Variants in TLE1 observed in about 807,000 individuals in gnomAD.
TLE1 encodes the protein transducin-like enhancer protein 1.
TLE1 carries 21 observed loss-of-function variants against 89.8 expected under a neutral mutation model. The ratio of observed to expected loss-of-function variants is 0.23; its 90% confidence interval spans 0.17 to 0.34. The LOEUF is 0.34. TLE1 is among the 10% of genes least tolerant of loss of function. The pLI is 1.00. For synonymous variants in TLE1, 447 were observed against 407.6 expected (o/e 1.10, Z -1.16); for missense variants, 795 against 1,031.2 (o/e 0.77, Z 3.14).
At chr9:81,662,202 T>A (rs1331001578) in intron 4 of TLE1, among the ~76,000 whole-genome samples, 2 of 152,016 alleles carry the variant, frequency 1.3e-5, no homozygotes, top group African/African-American at 4.8e-5. Context: ...TCCTAATAAA[T>A]CAGTTGTCTA....
intron 4 of TLE1, among the ~76,000 whole-genome samples, chr9:81,675,534 C>T (rs1832764686): frequency 1.3e-5 from 2 of 151,966 alleles, no homozygotes; most frequent in Non-Finnish European, 2.9e-5. Flanking sequence ...CTTTTTTAGT[C>T]CAAACCCAAA....
At position 81,612,607 on chromosome 9, in the gene TLE1, C is replaced by A. The variant is rs113529268; in HGVS notation, c.1064-648G>T. Among the ~76,000 whole-genome samples the A allele has an allele frequency of 2.9e-3, 448 of 152,232 alleles. 3 individuals are homozygous for A. Among genetic ancestry groups the A allele is most frequent in the African/African-American group, 9.7e-3 (401 of 41,530 alleles). On this transcript the variant is annotated intron_variant, in intron 12 of 19. Transcript: ENST00000376499. Reference sequence around the variant, plus strand: ...GAAGCCTCCCCTAGCAGAAAACCAGCAAACTATAGTCTGCAAGGAGCACGG... The same window carrying A: ...GAAGCCTCCCCTAGCAGAAAACCAGAAAACTATAGTCTGCAAGGAGCACGG...
intron 4 of TLE1, among the ~76,000 whole-genome samples, chr9:81,682,152 G>A (rs1259416654): frequency 6.6e-6 from 1 of 152,010 alleles, no homozygotes; most frequent in Non-Finnish European, 1.5e-5. Flanking sequence ...TACTCCGGAG[G>A]CTGAGGCAGG....
intron 6 of TLE1, among the ~76,000 whole-genome samples, chr9:81,645,287 C>T (rs896402074): frequency 2.0e-5 from 3 of 150,604 alleles, no homozygotes; most frequent in Non-Finnish European, 4.4e-5. Context: ...TCGCTTAACC[C>T]GGGAGGCAGA....
intron 14 of TLE1, 38 bp from the exon 15 acceptor site, chr9:81,593,312 A>AT: frequency 6.4e-7 from 1 of 1,574,114 alleles, no homozygotes; most frequent in Non-Finnish European, 8.7e-7. Context: ...CAGAAAACAC[A>AT]TTTACAGAGG....
chr9:81,601,231 G>A (rs926354380), intron 14 of TLE1, among the ~76,000 whole-genome samples: 1 of 152,198 alleles, frequency 6.6e-6, no homozygotes, highest in Admixed American at 6.5e-5. Flanking sequence ...TGGGGTGAAA[G>A]GGGGAAGCCC....
rs940694140 is a variant in TLE1, at chr9:81,652,367, G to C, written c.298-79C>G. On this transcript the variant is annotated intron_variant, in intron 5 of 19. Coordinates refer to ENST00000376499, the MANE Select transcript of TLE1 (RefSeq NM_005077.5). ...ATATTCTAACAACAAAAAGTCAAAT[G>C]CTGTGTGCAATGCAGGCTGAAGTAG... The C allele has an allele frequency of 6.4e-6, 8 of 1,253,660 alleles. No individual in the cohort carries two copies. The African/African-American group carries it at 1.2e-4, about 18-fold the overall frequency. 77.7% of individuals were successfully genotyped at this position (1,253,660 alleles called of 1,614,324 possible).
chr9:81,632,472 TCC>T (rs765988528), intron 8 of TLE1, among the ~76,000 whole-genome samples: 96 of 68,480 alleles, frequency 1.4e-3, no homozygotes, highest in South Asian at 5.9e-3. Flanking sequence ...ATGTTCAGTA[TCC>T]CTTTTTTTTT....
chr9:81,683,101 A>G (rs1428453934), intron 4 of TLE1, among the ~76,000 whole-genome samples: 1 of 152,202 alleles, frequency 6.6e-6, no homozygotes, highest in Non-Finnish European at 1.5e-5. Flanking sequence ...TTTGACACTG[A>G]AATCTCTAGA....
intron 1 of TLE1, 123 bp from the exon 2 acceptor site, chr9:81,687,557 G>A (rs376775851): frequency 1.8e-5 from 13 of 706,606 alleles, no homozygotes; most frequent in East Asian, 1.4e-4. Context: ...TGAAAACGAG[G>A]CCCCAAACTC....
At chr9:81,656,655 A>G (rs1474247734) in intron 4 of TLE1, among the ~76,000 whole-genome samples, 1 of 152,216 alleles carries the variant, frequency 6.6e-6, no homozygotes, top group Admixed American at 6.5e-5. Flanking sequence ...GGTTTCCGTT[A>G]CATACCCTGC....
intron 14 of TLE1, among the ~76,000 whole-genome samples, chr9:81,602,262 C>G (rs997898693): frequency 3.3e-5 from 5 of 152,138 alleles, no homozygotes; most frequent in African/African-American, 1.2e-4. Flanking sequence ...ACCGGAAAAG[C>G]AGGCTGGGGG....
rs202222787 is a variant in TLE1 at position 81,593,247 on chromosome 9, G to A, written c.1359C>T (p.Asp453=). 2.0e-5 allele frequency: 33 copies of A among 1,613,920 alleles called. 1 individual carries two copies. The East Asian group carries it at 3.1e-4, about 15-fold the overall frequency. Residue 453 remains aspartate, a synonymous_variant, in exon 15 of 20, where the codon GAC becomes GAT. Coordinates refer to ENST00000376499, the MANE Select transcript of TLE1 (RefSeq NM_005077.5). Reference sequence around the variant, plus strand: ...GAAAAGGGACAGGCTGCATCTGACCGTCTGCAGTAACGTGGAAGGAGTATG... The same window carrying A: ...GAAAAGGGACAGGCTGCATCTGACCATCTGCAGTAACGTGGAAGGAGTATG... The part of the protein sequence containing the change: ...KPAYSFHVTA[D]GQMQPVPFPP...
intron 14 of TLE1, among the ~76,000 whole-genome samples, chr9:81,602,729 T>C (rs1831103513): frequency 2.0e-5 from 3 of 152,092 alleles, no homozygotes; most frequent in Non-Finnish European, 4.4e-5. Context: ...CAATAAAGAA[T>C]ACACTGACAG....
intron 15 of TLE1, 131 bp downstream of exon 15, chr9:81,592,894 A>AT: frequency 7.5e-7 from 1 of 1,331,684 alleles, no homozygotes; most frequent in Non-Finnish European, 1.0e-6. Flanking sequence ...AGGGGGTTAA[A>AT]TAACCAACAC....
intron 6 of TLE1, among the ~76,000 whole-genome samples, chr9:81,651,459 CAA>C (rs1343534823): frequency 6.6e-6 from 1 of 152,080 alleles, no homozygotes; most frequent in Non-Finnish European, 1.5e-5. Context: ...TAACTGAACT[CAA>C]GAGAGGAGAG....
chr9:81,675,698 G>GTTTTTTTTTTTTTTTTTTTTTTT lies in TLE1; in HGVS notation c.234+9977_234+9978insAAAAAAAAAAAAAAAAAAAAAAA, dbSNP rs35060460. On this transcript the variant is annotated intron_variant, in intron 4 of 19. Coordinates refer to ENST00000376499, the MANE Select transcript of TLE1 (RefSeq NM_005077.5). Reference sequence around the variant, plus strand: ...AATTTTAGCATAAGGACTCACACTAGTTTTTTTTTGTTTTTTTTTTTGAGA... The same window carrying GTTTTTTTTTTTTTTTTTTTTTTT: ...AATTTTAGCATAAGGACTCACACTAGTTTTTTTTTTTTTTTTTTTTTTTTTTTTTTTTGTTTTTTTTTTTGAGA... Among the ~76,000 whole-genome samples the GTTTTTTTTTTTTTTTTTTTTTTT allele has an allele frequency of 1.8e-3, 238 of 129,578 alleles. 40 individuals are homozygous for GTTTTTTTTTTTTTTTTTTTTTTT. The highest frequency in any genetic ancestry group is 5.3e-3 in the South Asian group (22 of 4,132). The allele number at this position is 129,578 out of a possible 152,430, so 85.0% of individuals were successfully genotyped here. A position where few individuals can be genotyped will look rare whatever the true frequency, so the allele number is the denominator to read the frequency against.
At chr9:81,685,922 A>G in intron 2 of TLE1, 26 bp from the exon 3 acceptor site, 2 of 1,611,408 alleles carry the variant, frequency 1.2e-6, no homozygotes, top group Non-Finnish European at 1.7e-6. Context: ...AGGCAACTTA[A>G]TGTAAACATT....
intron 6 of TLE1, among the ~76,000 whole-genome samples, chr9:81,651,689 G>C (rs1368217395): frequency 6.6e-6 from 1 of 152,176 alleles, no homozygotes; most frequent in Non-Finnish European, 1.5e-5. Flanking sequence ...GACCCATTTT[G>C]ACCTCACTGT....
Sources: allele counts gnomAD v4.1 joint callset (sites outside exome capture counted in the v4.1 genomes callset), GRCh38; gene constraint gnomAD v4.1.1; transcripts MANE v1.5; gene names NCBI Gene and HGNC (gene_info 2026-07-23, HGNC 2026-07-21).